Variants in IFT140 observed in about 807,000 individuals in gnomAD.
IFT140 encodes intraflagellar transport 140.
A neutral mutation model predicts 164.6 loss-of-function variants in IFT140; 133 were observed. The ratio of observed to expected loss-of-function variants is 0.81; its 90% CI spans 0.70 to 0.93. IFT140 has a LOEUF of 0.93. IFT140 is among the 40% of genes least tolerant of loss of function. The probability of loss-of-function intolerance (pLI) is 0.00; values close to 1 mark genes in which losing one functional copy is unlikely to be tolerated. For synonymous variants in IFT140, 860 were observed against 817.3 expected (o/e 1.05, Z -0.89); for missense variants, 2,045 against 1,972.3 (o/e 1.04, Z -0.70).
intron 19 of IFT140, among the ~76,000 whole-genome samples, chr16:1,535,297 C>T (rs1240431011): frequency 2.0e-5 from 3 of 152,048 alleles, no homozygotes; most frequent in East Asian, 1.9e-4. Context: ...ATGATGCCAC[C>T]GCACCGTGGG....
intron 6 of IFT140, among the ~76,000 whole-genome samples, chr16:1,590,767 A>G (rs1221135214): frequency 1.3e-5 from 2 of 151,806 alleles, no homozygotes; most frequent in African/African-American, 2.4e-5. Context: ...TATTTTTATT[A>G]TTAATTCTTT....
At chr16:1,567,385 A>G (rs1344303697) in intron 15 of IFT140, among the ~76,000 whole-genome samples, 1 of 151,862 alleles carries the variant, frequency 6.6e-6, no homozygotes, top group East Asian at 1.9e-4. Context: ...AGGCTTTGCC[A>G]ATGCCGGCCT....
intron 30 of IFT140, 38 bp from the exon 31 acceptor site, chr16:1,511,188 A>G: frequency 6.4e-7 from 1 of 1,555,824 alleles, no homozygotes; most frequent in African/African-American, 1.3e-5. Context: ...GCTTTCCTGA[A>G]CAACCAGGCA....
At chr16:1,543,232 T>A (rs1037061593) in intron 19 of IFT140, among the ~76,000 whole-genome samples, 45 of 152,322 alleles carry the variant, frequency 3.0e-4, no homozygotes, top group African/African-American at 1.0e-3. Context: ...GTTCTGCAGG[T>A]TGCCCTGCAG....
intron 30 of IFT140, chr16:1,514,179 T>G (rs1448001240): frequency 6.6e-6 from 1 of 150,908 alleles, no homozygotes; most frequent in South Asian, 2.1e-4. Context: ...CCATCCTGGC[T>G]AACACGGTGA....
chr16:1,539,206 C>T (rs117107594), intron 19 of IFT140, among the ~76,000 whole-genome samples: 9 of 151,640 alleles, frequency 5.9e-5, no homozygotes, highest in Middle Eastern at 6.8e-3. Context: ...CCAAGCCACA[C>T]GGTGCCAACG....
intron 14 of IFT140, among the ~76,000 whole-genome samples, chr16:1,571,153 A>T (rs912733092): frequency 6.6e-6 from 1 of 152,234 alleles, no homozygotes; most frequent in African/African-American, 2.4e-5. Flanking sequence ...TGCACTCATC[A>T]TATAGAAGCT....
chr16:1,528,432 T>TGC (rs1049292687), intron 19 of IFT140, among the ~76,000 whole-genome samples: 5 of 103,470 alleles, frequency 4.8e-5, no homozygotes, highest in South Asian at 5.8e-4. Context: ...CACACACAGA[T>TGC]GCACACACAC....
chr16:1,559,649 C>T (rs1375990748), intron 18 of IFT140, among the ~76,000 whole-genome samples: 1 of 152,244 alleles, frequency 6.6e-6, no homozygotes, highest in Non-Finnish European at 1.5e-5. Context: ...TGCTGTGTCA[C>T]ATGTCCCAGC....
In IFT140 at chr16:1,568,197, T is replaced by C. The variant is rs1044815216; in HGVS notation, c.1770+20A>G. The C allele has an allele frequency of 6.4e-7, 1 of 1,550,528 alleles. No homozygotes were observed. Among genetic ancestry groups the C allele is most frequent in the African/African-American group, 1.4e-5 (1 of 73,204 alleles). ...GAGGTGAGGAGGCGGAGTGGGCGAG[T>C]GGACGAGGGGTGGCCTCACCTTGCT... On this transcript the variant is annotated intron_variant, in intron 15 of 30. Transcript: ENST00000426508.
At chr16:1,524,984 C>T (rs1446178927) in intron 22 of IFT140, 68 bp from the exon 23 acceptor site, 55 of 1,553,782 alleles carry the variant, frequency 3.5e-5, no homozygotes, top group South Asian at 3.3e-4. Flanking sequence ...GCCCCCACCC[C>T]GCCCCTGTGC....
At chr16:1,512,872 TGAATGGAAGTG>T (rs1206958257) in intron 30 of IFT140, 1 of 152,058 alleles carries the variant, frequency 6.6e-6, no homozygotes, top group East Asian at 1.9e-4. Flanking sequence ...AAGGGGTCAG[TGAATGGAAGTG>T]GAACGGCGCA....
At chr16:1,557,721 G>C (rs948766578) in intron 19 of IFT140, 1 of 578,894 alleles carries the variant, frequency 1.7e-6, no homozygotes, top group African/African-American at 1.9e-5. Flanking sequence ...TAAACAGCCC[G>C]AGAGGCTCCC....
rs756482228 is a variant in IFT140, at chr16:1,562,026, G to C, written c.2158C>G (p.Leu720Val). The change falls in exon 18 of 31, where the codon CTC (leucine) becomes GTC (valine). Residue 720 changes from leucine to valine, a missense_variant. Physicochemically the swap from Leu to Val is conservative, Grantham distance 32. Transcript: ENST00000426508. ...TAATAAGGCACTTCCATCCCCAGGA[G>C]ACTGTGGGAGGTGGCAGGCCGGGGG... ...SFPRPATSHSLLGMEVPYYYF... is the reference protein window; with the variant it reads ...SFPRPATSHSVLGMEVPYYYF... 1.2e-6 allele frequency: 2 copies of C among 1,611,874 alleles called. No individual in the cohort carries two copies. The highest frequency in any genetic ancestry group is 1.7e-6 in the Non-Finnish European group (2 of 1,179,058).
At position 1,607,149 on chromosome 16, in the gene IFT140, T is replaced by C. The variant is rs1331143723; in HGVS notation, c.118A>G (p.Thr40Ala). ...LAVAYISTTS[T>A]GSVDIYLEQG... The stretch of plus-strand genomic sequence containing the variant: ...TCCAGGTAAATATCCACGCTGCCTG[T>C]TGAGGTTGTGCTGATGTAAGCAACT... The change falls in exon 3 of 31, where the codon ACA becomes GCA. Residue 40 changes from threonine (T) to alanine (A), a missense_variant. Physicochemically the swap from Thr to Ala is moderately conservative, Grantham distance 58. Coordinates refer to ENST00000426508, the MANE Select transcript of IFT140 (RefSeq NM_014714.4). The C allele has an allele frequency of 2.5e-6, 4 of 1,614,124 alleles. No individual in the cohort carries two copies. Among genetic ancestry groups the C allele is most frequent in the Non-Finnish European group, 3.4e-6 (4 of 1,180,002 alleles).
Position 1,520,755 on chromosome 16 carries a change from C to G in IFT140, c.3507G>C (p.Glu1169Asp), listed in dbSNP as rs1480279504. 7 of 1,609,374 alleles carry G rather than the reference C, an allele frequency of 4.3e-6. No homozygotes were observed. The highest frequency in any genetic ancestry group is 5.1e-6 in the Non-Finnish European group (6 of 1,180,004). The change falls in exon 27 of 31, where the codon GAG becomes GAC. Residue 1169 changes from glutamate to aspartate, a missense_variant. By Grantham distance (45) the Glu-to-Asp change is conservative. Coordinates refer to ENST00000426508, the MANE Select transcript of IFT140 (RefSeq NM_014714.4). ...TGGCCACGGTCATCTTTTCCGCCAT[C>G]TCCTCGGTGATGCTCATGTTCTGCC... ...CLGQNMSITE[E>D]MAEKMTVAKD...
At chr16:1,521,782 A>T (rs2040533489) in intron 26 of IFT140, among the ~76,000 whole-genome samples, 1 of 150,814 alleles carries the variant, frequency 6.6e-6, no homozygotes, top group Admixed American at 6.6e-5. Flanking sequence ...GCACTTTGGG[A>T]GGCCAAGGTG....
chr16:1,566,408 T>A (rs2033719862), intron 15 of IFT140, 117 bp from the exon 16 acceptor site: 16 of 888,902 alleles, frequency 1.8e-5, no homozygotes, highest in South Asian at 9.3e-5. Flanking sequence ...TGTCACCAAG[T>A]CCACAGGCCA....
In IFT140 at chr16:1,528,532, AGCACATGCAC is replaced by A. The variant is rs1048698575; in HGVS notation, c.2400-1746_2400-1737del. The stretch of plus-strand genomic sequence containing the variant: ...GCAGGCACACACACAGGCACACACA[AGCACATGCAC>A]GCACATGCACACACACGCACACACA... On this transcript the variant is annotated intron_variant, in intron 19 of 30. Coordinates refer to ENST00000426508, the MANE Select transcript of IFT140 (RefSeq NM_014714.4). 9.0e-5 allele frequency among the ~76,000 whole-genome samples: 13 copies of A among 143,982 alleles called. No individual in the cohort carries two copies. In the East Asian group the frequency reaches 1.2e-3, roughly 14 times the overall value. The allele number at this position is 143,982 out of a possible 152,430, so 94.5% of individuals were successfully genotyped here. A position where few individuals can be genotyped will look rare whatever the true frequency, so the allele number is the denominator to read the frequency against.
Sources: gnomAD v4.1 joint callset for allele counts (sites outside exome capture counted in the v4.1 genomes callset) on GRCh38, gnomAD v4.1.1 for gene constraint, MANE v1.5 for transcripts, NCBI Gene and HGNC (gene_info 2026-07-23, HGNC 2026-07-21) for gene names.